CDH13: variants seen among roughly 807,000 people sequenced by gnomAD.
CDH13 encodes the protein cadherin-13.
A neutral mutation model predicts 63.8 loss-of-function variants in CDH13; 24 were observed. The observed-to-expected ratio is 0.38, with a 90% confidence interval of 0.27 to 0.53. The LOEUF (loss-of-function observed/expected upper bound fraction) is 0.53, where lower values mean the gene tolerates loss of function less well. Ranked by LOEUF, CDH13 falls within the 20% of genes least tolerant of loss-of-function variation. The pLI is 0.85. For missense variants in CDH13, 1,049 were observed against 903.1 expected (o/e 1.16, Z -2.07); for synonymous variants, 503 against 355.3 (o/e 1.42, Z -4.67).
intron 2 of CDH13, among the ~76,000 whole-genome samples, chr16:82,911,102 A>T (rs1481630902): frequency 1.3e-5 from 2 of 152,176 alleles, no homozygotes; most frequent in East Asian, 3.9e-4. Context: ...TCGTAAGTTG[A>T]TGGGAAGCAT....
chr16:83,714,244 C>G (rs932272079), intron 10 of CDH13, among the ~76,000 whole-genome samples: 2 of 152,176 alleles, frequency 1.3e-5, no homozygotes, highest in Non-Finnish European at 2.9e-5. Context: ...GAGAGGATCA[C>G]GTTGCTTTAG....
intron 6 of CDH13, among the ~76,000 whole-genome samples, chr16:83,369,221 G>C (rs1017331053): frequency 6.6e-6 from 1 of 151,246 alleles, no homozygotes; most frequent in Admixed American, 6.6e-5. Context: ...TAATAGATGC[G>C]GGGAAAAGGG....
intron 5 of CDH13, among the ~76,000 whole-genome samples, chr16:83,255,945 T>C (rs533108272): frequency 6.6e-6 from 1 of 152,278 alleles, no homozygotes; most frequent in East Asian, 1.9e-4. Context: ...GGCAGCTTGA[T>C]TATGGTCAAA....
At chr16:83,208,723 T>C (rs1269358317) in intron 4 of CDH13, among the ~76,000 whole-genome samples, 1 of 152,198 alleles carries the variant, frequency 6.6e-6, no homozygotes, top group Non-Finnish European at 1.5e-5. Context: ...GTCTAATTAT[T>C]TCCTAGTTTT....
intron 4 of CDH13, among the ~76,000 whole-genome samples, chr16:83,142,743 A>C (rs1004925231): frequency 6.6e-6 from 1 of 151,846 alleles, no homozygotes; most frequent in Non-Finnish European, 1.5e-5. Flanking sequence ...GGCTCTCAAT[A>C]AATATTTTTT....
chr16:82,885,995 A>G (rs1185139550), intron 2 of CDH13, among the ~76,000 whole-genome samples: 1 of 152,214 alleles, frequency 6.6e-6, no homozygotes, highest in Non-Finnish European at 1.5e-5. Context: ...CTGGTGAGAA[A>G]ACATGTAAAA....
At chr16:83,064,580 A>G (rs1290807760) in intron 3 of CDH13, among the ~76,000 whole-genome samples, 1 of 152,230 alleles carries the variant, frequency 6.6e-6, no homozygotes, top group Non-Finnish European at 1.5e-5. Context: ...TTTAAGCAAC[A>G]TAAAAAGCAA....
chr16:83,383,069 G>A (rs2091598871), intron 6 of CDH13: 1 of 152,188 alleles, frequency 6.6e-6, no homozygotes, highest in Non-Finnish European at 1.5e-5. Context: ...CCCCAGTTTG[G>A]AGCATTTCCT....
intron 5 of CDH13, among the ~76,000 whole-genome samples, chr16:83,222,364 A>G (rs2039723851): frequency 1.3e-5 from 2 of 152,172 alleles, no homozygotes; most frequent in African/African-American, 2.4e-5. Context: ...ATTCTAACCC[A>G]TCTGTAGCTC....
intron 5 of CDH13, among the ~76,000 whole-genome samples, chr16:83,223,518 G>T (rs964710081): frequency 6.6e-6 from 1 of 152,170 alleles, no homozygotes. Context: ...GTCGCTGCTG[G>T]CTCTTCCTGC....
intron 2 of CDH13, among the ~76,000 whole-genome samples, chr16:82,963,118 C>A (rs981886206): frequency 2.6e-5 from 4 of 152,022 alleles, no homozygotes; most frequent in African/African-American, 9.7e-5. Flanking sequence ...CACCTGTAAT[C>A]CCAGCAGTTT....
chr16:83,134,083 T>C (rs1450423173), intron 4 of CDH13, among the ~76,000 whole-genome samples: 1 of 152,344 alleles, frequency 6.6e-6, no homozygotes, highest in East Asian at 1.9e-4. Flanking sequence ...CATTATATGA[T>C]CAGTCTGGAT....
intron 1 of CDH13, among the ~76,000 whole-genome samples, chr16:82,802,341 A>G (rs941770167): frequency 1.3e-5 from 2 of 152,084 alleles, no homozygotes; most frequent in African/African-American, 4.8e-5. Flanking sequence ...CCAGGAGTCG[A>G]CCCTGATGAA....
At chr16:82,716,413 CA>C (rs2151014864) in intron 1 of CDH13, among the ~76,000 whole-genome samples, 1 of 151,884 alleles carries the variant, frequency 6.6e-6, no homozygotes, top group South Asian at 2.1e-4. Flanking sequence ...TCATCTCTCC[CA>C]ATTGCCTTTG....
At chr16:83,221,111 C>A (rs2039687095) in intron 5 of CDH13, among the ~76,000 whole-genome samples, 1 of 152,170 alleles carries the variant, frequency 6.6e-6, no homozygotes. Flanking sequence ...GCTCCAAAGC[C>A]CCACATTTTC....
intron 10 of CDH13, among the ~76,000 whole-genome samples, chr16:83,733,772 T>C (rs1282881141): frequency 6.6e-6 from 1 of 152,158 alleles, no homozygotes; most frequent in Non-Finnish European, 1.5e-5. Context: ...ACATCCCAGT[T>C]TGCTCTCCCA....
intron 1 of CDH13, among the ~76,000 whole-genome samples, chr16:82,641,013 G>A (rs1909329008): frequency 6.6e-6 from 1 of 152,170 alleles, no homozygotes; most frequent in Non-Finnish European, 1.5e-5. Context: ...CCATAAGTGA[G>A]CGAGTGGGGA....
chr16:83,411,289 T>G (rs1447627902), intron 6 of CDH13, among the ~76,000 whole-genome samples: 2 of 152,200 alleles, frequency 1.3e-5, no homozygotes, highest in Non-Finnish European at 2.9e-5. Context: ...GTTACCCCAC[T>G]GAAATTAGCA....
chr16:82,992,666 C>G (rs994264784), intron 2 of CDH13, among the ~76,000 whole-genome samples: 19 of 152,056 alleles, frequency 1.2e-4, no homozygotes, highest in African/African-American at 4.3e-4. Flanking sequence ...AAAGCAAATG[C>G]TTAACTTCAA....
Sources: allele counts gnomAD v4.1 joint callset (sites outside exome capture counted in the v4.1 genomes callset), GRCh38; gene constraint gnomAD v4.1.1; transcripts MANE v1.5; gene names NCBI Gene and HGNC (gene_info 2026-07-23, HGNC 2026-07-21).